Variants in SUGCT observed in about 807,000 individuals in gnomAD.
SUGCT encodes the protein succinyl-CoA:glutarate-CoA transferase, also known as succinyl-CoA:glutarate CoA-transferase.
Under a neutral mutation model 55.0 loss-of-function variants are expected in SUGCT, and 41 were observed. The ratio of observed to expected loss-of-function variants is 0.74; its 90% CI spans 0.58 to 0.97. The LOEUF (loss-of-function observed/expected upper bound fraction) is 0.97. Ranked by LOEUF, SUGCT falls within the 50% of genes least tolerant of loss-of-function variation. The pLI is 0.00. For missense variants in SUGCT, 568 were observed against 547.8 expected, an observed-to-expected ratio of 1.04 and a Z score of -0.37; for synonymous variants, 187 against 200.4, an observed-to-expected ratio of 0.93 and a Z score of 0.56.
At chr7:40,612,014 T>C (rs942256905) in intron 12 of SUGCT, among the ~76,000 whole-genome samples, 193 of 147,260 alleles carry the variant, frequency 1.3e-3, no homozygotes, top group African/African-American at 4.7e-3. Flanking sequence ...TCCCCCCCCT[T>C]TTTTTTTTTA....
chr7:40,556,033 T>C (rs926318702), intron 12 of SUGCT, among the ~76,000 whole-genome samples: 1 of 152,188 alleles, frequency 6.6e-6, no homozygotes, highest in Non-Finnish European at 1.5e-5. Context: ...ATAATCTCTT[T>C]GAAGGGGAGT....
chr7:40,204,166 T>G (rs1303043048), intron 6 of SUGCT, among the ~76,000 whole-genome samples: 1 of 152,052 alleles, frequency 6.6e-6, no homozygotes, highest in African/African-American at 2.4e-5. Flanking sequence ...TTTTTTGATT[T>G]TTTTGGTAGA....
intron 13 of SUGCT, among the ~76,000 whole-genome samples, chr7:40,797,938 G>T (rs1790627828): frequency 6.6e-6 from 1 of 152,132 alleles, no homozygotes; most frequent in Non-Finnish European, 1.5e-5. Context: ...ATGCTGTATT[G>T]ATTAGCCACT....
At chr7:40,275,213 C>T (rs939178078) in intron 8 of SUGCT, among the ~76,000 whole-genome samples, 1 of 152,142 alleles carries the variant, frequency 6.6e-6, no homozygotes, top group Non-Finnish European at 1.5e-5. Flanking sequence ...GTGTCTGTTG[C>T]TTCTTATAAG....
Position 40,377,232 on chromosome 7 carries a change from TCCCTTCCTTCCTTCC to T in SUGCT, c.816+60378_816+60392del, listed in dbSNP as rs1562729131. On this transcript the variant is annotated intron_variant, in intron 9 of 13. Transcript: ENST00000335693. ...TCTTTTCTTTCTTTTCTTTCTTTCT[TCCCTTCCTTCCTTCC>T]TTCTTTCTTTTTTGAGACCTAGTCT... 3.9e-4 allele frequency among the ~76,000 whole-genome samples: 6 copies of T among 15,556 alleles called. 1 individual carries two copies. In the East Asian group the frequency reaches 8.0e-3, roughly 21 times the overall value. The allele number at this position is 15,556 out of a possible 152,430, so 10.2% of individuals were successfully genotyped here. A position where few individuals can be genotyped will look rare whatever the true frequency, so the allele number is the denominator to read the frequency against.
At chr7:40,386,321 A>G (rs370905902) in intron 9 of SUGCT, among the ~76,000 whole-genome samples, 9 of 152,300 alleles carry the variant, frequency 5.9e-5, no homozygotes, top group African/African-American at 1.9e-4. Context: ...TAATTCAACT[A>G]AATCCAACAC....
At chr7:40,983,313 A>G in the SUGCT span, among the ~76,000 whole-genome samples, 13 of 152,140 alleles carry the variant, frequency 8.5e-5, no homozygotes, top group African/African-American at 2.9e-4. Flanking sequence ...CCTCAACCGT[A>G]ACAGACAGTC....
At chr7:40,236,345 C>T (rs1024212506) in intron 6 of SUGCT, among the ~76,000 whole-genome samples, 1 of 148,722 alleles carries the variant, frequency 6.7e-6, no homozygotes, top group South Asian at 2.1e-4. Flanking sequence ...AGCCACCACG[C>T]CTGGCCTGAT....
intron 12 of SUGCT, among the ~76,000 whole-genome samples, chr7:40,555,934 T>A (rs986228366): frequency 6.6e-6 from 1 of 152,144 alleles, no homozygotes; most frequent in Admixed American, 6.5e-5. Context: ...GTTACTCTTC[T>A]CTCTAACTTC....
the SUGCT span, among the ~76,000 whole-genome samples, chr7:40,916,783 TTTA>T: frequency 2.6e-5 from 4 of 152,342 alleles, no homozygotes; most frequent in South Asian, 8.3e-4. Flanking sequence ...GGCTTTAACA[TTTA>T]TTATTCATTT....
At chr7:40,150,776 G>A (rs1373235869) in intron 1 of SUGCT, among the ~76,000 whole-genome samples, 2 of 152,310 alleles carry the variant, frequency 1.3e-5, no homozygotes, top group South Asian at 2.1e-4. Context: ...CCAGCTCTGC[G>A]TGAATTACTC....
intron 6 of SUGCT, among the ~76,000 whole-genome samples, chr7:40,221,494 C>CTTTTT (rs1452847552): frequency 7.7e-6 from 1 of 130,598 alleles, no homozygotes; most frequent in African/African-American, 2.8e-5. Context: ...TGTTATTGGT[C>CTTTTT]TTTTTTTTTT....
At chr7:40,664,114 C>G (rs544024849) in intron 12 of SUGCT, among the ~76,000 whole-genome samples, 1 of 152,184 alleles carries the variant, frequency 6.6e-6, no homozygotes, top group Non-Finnish European at 1.5e-5. Flanking sequence ...TCAGAAGGAA[C>G]CGATCCTGCC....
chr7:41,025,547 G>A, the SUGCT span, among the ~76,000 whole-genome samples: 3 of 151,954 alleles, frequency 2.0e-5, no homozygotes, highest in Admixed American at 6.6e-5. Flanking sequence ...AGTAGAGATA[G>A]GATTTCACCA....
At chr7:40,812,957 C>T (rs1357964458) in intron 13 of SUGCT, among the ~76,000 whole-genome samples, 1 of 151,998 alleles carries the variant, frequency 6.6e-6, no homozygotes, top group Admixed American at 6.6e-5. Context: ...TGATTTCTGC[C>T]TTAATTTCAT....
At chr7:40,195,099 C>T (rs946308037) in intron 6 of SUGCT, 39 bp downstream of exon 6, 10 of 1,549,504 alleles carry the variant, frequency 6.5e-6, no homozygotes, top group Non-Finnish European at 8.7e-6. Flanking sequence ...AAAAGGTTTT[C>T]CAGTTTCTGT....
chr7:40,645,709 G>T (rs1333918013), intron 12 of SUGCT, among the ~76,000 whole-genome samples: 1 of 152,124 alleles, frequency 6.6e-6, no homozygotes, highest in Admixed American at 6.5e-5. Flanking sequence ...GGTCATATCA[G>T]TCTCGATATC....
At chr7:40,602,503 G>T (rs1798344024) in intron 12 of SUGCT, among the ~76,000 whole-genome samples, 1 of 152,124 alleles carries the variant, frequency 6.6e-6, no homozygotes, top group East Asian at 1.9e-4. Flanking sequence ...ACAGGCTTCA[G>T]ATGTGTCTAT....
intron 6 of SUGCT, among the ~76,000 whole-genome samples, chr7:40,216,624 G>T (rs1367046309): frequency 1.3e-5 from 2 of 151,796 alleles, no homozygotes; most frequent in African/African-American, 4.8e-5. Context: ...AGCCAAGGTG[G>T]GTGGATCACC....
Sources: allele counts gnomAD v4.1 joint callset (sites outside exome capture counted in the v4.1 genomes callset), GRCh38; gene constraint gnomAD v4.1.1; transcripts MANE v1.5; gene names NCBI Gene and HGNC (gene_info 2026-07-23, HGNC 2026-07-21).